WDPCP: variants seen among roughly 807,000 people sequenced by gnomAD.
The protein encoded by WDPCP is WD repeat-containing and planar cell polarity effector protein fritz homolog.
WDPCP carries 71 observed loss-of-function variants against 93.1 expected under a neutral mutation model. The ratio of observed to expected loss-of-function variants is 0.76; its 90% CI spans 0.63 to 0.93. The LOEUF is 0.93. Ranked by LOEUF, WDPCP falls within the 40% of genes least tolerant of loss-of-function variation. WDPCP has a pLI of 0.00. For missense variants in WDPCP, 844 were observed against 887.4 expected (o/e 0.95, Z 0.62); for synonymous variants, 315 against 315.0 (o/e 1.00, Z 0.00).
intron 2 of WDPCP, among the ~76,000 whole-genome samples, chr2:63,800,378 T>A (rs1010318232): frequency 2.6e-5 from 4 of 152,226 alleles, no homozygotes; most frequent in Admixed American, 6.5e-5. Context: ...TCTCCTATTA[T>A]GATGTCACAT....
intron 14 of WDPCP, among the ~76,000 whole-genome samples, chr2:63,208,991 G>C (rs1676547077): frequency 6.6e-6 from 1 of 152,150 alleles, no homozygotes; most frequent in Non-Finnish European, 1.5e-5. Flanking sequence ...CTCTGGCAAG[G>C]GTTGTATCTG....
At chr2:63,770,564 A>C (rs1670210363) in intron 2 of WDPCP, among the ~76,000 whole-genome samples, 1 of 152,012 alleles carries the variant, frequency 6.6e-6, no homozygotes, top group African/African-American at 2.4e-5. Flanking sequence ...AAACAAAAAA[A>C]CAAAATTATA....
At chr2:63,404,728 T>C in intron 9 of WDPCP, 71 bp from the exon 10 acceptor site, 1 of 1,577,448 alleles carries the variant, frequency 6.3e-7, no homozygotes, top group Non-Finnish European at 8.6e-7. Context: ...TAGGACTGCA[T>C]ATTTATTCAG....
chr2:63,354,035 CCT>C (rs762395446), intron 12 of WDPCP, among the ~76,000 whole-genome samples: 1 of 152,130 alleles, frequency 6.6e-6, no homozygotes, highest in Non-Finnish European at 1.5e-5. Flanking sequence ...CAACTGAAAG[CCT>C]CTCTGCCACT....
chr2:63,768,786 T>C (rs559693826), intron 2 of WDPCP, among the ~76,000 whole-genome samples: 1 of 152,086 alleles, frequency 6.6e-6, no homozygotes, highest in South Asian at 2.1e-4. Context: ...AAGGCTATCA[T>C]ACAGGAGAGG....
chr2:63,352,792 A>G (rs1038332113), intron 12 of WDPCP, among the ~76,000 whole-genome samples: 2 of 152,210 alleles, frequency 1.3e-5, no homozygotes, highest in African/African-American at 2.4e-5. Context: ...CACATTCTCT[A>G]CTTGAGGGTG....
At chr2:63,655,912 T>G (rs879388452) in intron 2 of WDPCP, among the ~76,000 whole-genome samples, 2 of 152,236 alleles carry the variant, frequency 1.3e-5, no homozygotes, top group Non-Finnish European at 2.9e-5. Flanking sequence ...AACTGCAATG[T>G]GTAACCTTGT....
intron 1 of WDPCP, among the ~76,000 whole-genome samples, chr2:63,558,001 C>A (rs1050155817): frequency 1.8e-4 from 28 of 152,112 alleles, no homozygotes; most frequent in African/African-American, 6.7e-4. Context: ...GAAGCAGTGT[C>A]ATAAGGGAAA....
chr2:63,654,595 G>A (rs1159358871), intron 2 of WDPCP, among the ~76,000 whole-genome samples: 1 of 152,170 alleles, frequency 6.6e-6, no homozygotes, highest in Non-Finnish European at 1.5e-5. Flanking sequence ...ATGTTCTTTA[G>A]CCACATATGC....
intron 9 of WDPCP, among the ~76,000 whole-genome samples, chr2:63,405,208 T>A (rs1328576371): frequency 6.6e-6 from 1 of 152,166 alleles, no homozygotes; most frequent in Non-Finnish European, 1.5e-5. Flanking sequence ...GAAAAAACTT[T>A]AGAAACCTGT....
At chr2:63,290,793 T>C (rs538250840) in intron 13 of WDPCP, among the ~76,000 whole-genome samples, 2 of 152,290 alleles carry the variant, frequency 1.3e-5, no homozygotes, top group East Asian at 1.9e-4. Context: ...TATTAGCTGT[T>C]GCTCTTTTTT....
intron 2 of WDPCP, among the ~76,000 whole-genome samples, chr2:63,683,605 CACT>C (rs886692131): frequency 3.3e-5 from 5 of 152,102 alleles, no homozygotes; most frequent in African/African-American, 1.2e-4. Flanking sequence ...GTAATCCCAG[CACT>C]TCGGGAGGCC....
chr2:63,782,369 G>C (rs750183701), intron 2 of WDPCP, among the ~76,000 whole-genome samples: 1 of 152,228 alleles, frequency 6.6e-6, no homozygotes, highest in East Asian at 1.9e-4. Context: ...TCAACAGAGT[G>C]AGCATACAAC....
chr2:63,233,366 AACCATAAAT>A, intron 14 of WDPCP: 1 of 272,980 alleles, frequency 3.7e-6, no homozygotes, highest in Non-Finnish European at 7.1e-6. Context: ...CAAAAGATGG[AACCATAAAT>A]CCACAGAGTC....
At chr2:63,657,712 T>C (rs1226319522) in intron 2 of WDPCP, among the ~76,000 whole-genome samples, 2 of 152,170 alleles carry the variant, frequency 1.3e-5, no homozygotes, top group Admixed American at 6.5e-5. Context: ...CTGAAAACAT[T>C]CAGTGCAAAA....
At chr2:63,259,483 AAACTTATTGTCCAGATTAC>A in intron 13 of WDPCP, 74 bp from the exon 14 acceptor site, 1 of 1,127,350 alleles carries the variant, frequency 8.9e-7, no homozygotes, top group Non-Finnish European at 1.3e-6. Flanking sequence ...ATTTTGAAGG[AAACTTATTGTCCAGATTAC>A]AAAATAGAAA....
At chr2:63,624,469 A>G (rs1302483973) in intron 3 of WDPCP, among the ~76,000 whole-genome samples, 1 of 152,184 alleles carries the variant, frequency 6.6e-6, no homozygotes, top group Non-Finnish European at 1.5e-5. Context: ...GAAGAATCAA[A>G]TAGACACAAT....
chr2:63,687,993 G>A (rs1668834703), intron 2 of WDPCP, among the ~76,000 whole-genome samples: 1 of 152,126 alleles, frequency 6.6e-6, no homozygotes, highest in African/African-American at 2.4e-5. Flanking sequence ...ATACAATGGA[G>A]TACTATTCAG....
chr2:63,791,448 T>C (rs571141719), intron 2 of WDPCP, among the ~76,000 whole-genome samples: 54 of 152,290 alleles, frequency 3.5e-4, no homozygotes, highest in African/African-American at 1.3e-3. Flanking sequence ...CTGGATCTTG[T>C]CTCCTAAAAG....
Sources: gnomAD v4.1 joint callset for allele counts (sites outside exome capture counted in the v4.1 genomes callset) on GRCh38, gnomAD v4.1.1 for gene constraint, MANE v1.5 for transcripts, NCBI Gene and HGNC (gene_info 2026-07-23, HGNC 2026-07-21) for gene names.